The following RNF180 variants were observed in gnomAD, a reference collection of about 807,000 sequenced individuals.
RNF180 encodes the protein ring finger protein 180, also known as E3 ubiquitin-protein ligase RNF180.
In RNF180, 38 loss-of-function variants were observed where a neutral mutation model predicts 59.2. The ratio of observed to expected loss-of-function variants is 0.64; its 90% CI spans 0.50 to 0.84. The LOEUF (loss-of-function observed/expected upper bound fraction) is 0.84. Among genes scored for constraint, RNF180 ranks in the 40% least tolerant of loss-of-function variants. RNF180 has a pLI of 0.00. For synonymous variants in RNF180, 262 were observed against 240.3 expected (o/e 1.09, Z -0.84); for missense variants, 705 against 700.9 (o/e 1.01, Z -0.07).
At chr5:64,215,817 A>G (rs1037604403) in intron 4 of RNF180, among the ~76,000 whole-genome samples, 3 of 152,188 alleles carry the variant, frequency 2.0e-5, no homozygotes, top group Non-Finnish European at 2.9e-5. Flanking sequence ...AAAAAGAAGT[A>G]TGAAAATTAT....
intron 5 of RNF180, among the ~76,000 whole-genome samples, chr5:64,238,273 C>A (rs1409817835): frequency 6.6e-6 from 1 of 152,072 alleles, no homozygotes; most frequent in Non-Finnish European, 1.5e-5. Flanking sequence ...CCACAAGTTG[C>A]CTAGTGTGAA....
intron 5 of RNF180, among the ~76,000 whole-genome samples, chr5:64,233,760 G>A (rs1194632686): frequency 6.6e-6 from 1 of 152,112 alleles, no homozygotes. Flanking sequence ...TCTTTCTTGT[G>A]CGAGGTCCAT....
At chr5:64,227,784 CT>C (rs1471588611) in intron 5 of RNF180, among the ~76,000 whole-genome samples, 1 of 152,158 alleles carries the variant, frequency 6.6e-6, no homozygotes, top group Admixed American at 6.5e-5. Flanking sequence ...GTACACTAAA[CT>C]TTTAAGAAAT....
At chr5:64,324,602 T>C (rs1435074686) in intron 5 of RNF180, among the ~76,000 whole-genome samples, 1 of 152,210 alleles carries the variant, frequency 6.6e-6, no homozygotes. Context: ...GAGAGGCTCA[T>C]CATGTTTCCC....
At chr5:64,334,145 G>A (rs1275693243) in intron 7 of RNF180, among the ~76,000 whole-genome samples, 5 of 152,162 alleles carry the variant, frequency 3.3e-5, no homozygotes, top group African/African-American at 1.2e-4. Flanking sequence ...GAGGTCAGGA[G>A]GATTGGCAAA....
chr5:64,284,593 G>T (rs1742184909), intron 5 of RNF180, among the ~76,000 whole-genome samples: 1 of 152,156 alleles, frequency 6.6e-6, no homozygotes, highest in Non-Finnish European at 1.5e-5. Context: ...ACCAGTCTGA[G>T]ATTCTTTCCT....
chr5:64,246,598 C>T (rs1397462734), intron 5 of RNF180, among the ~76,000 whole-genome samples: 1 of 152,164 alleles, frequency 6.6e-6, no homozygotes, highest in Non-Finnish European at 1.5e-5. Flanking sequence ...ATAACAAGTT[C>T]TGAAATTGAG....
At chr5:64,314,332 G>T (rs12153409) in intron 5 of RNF180, among the ~76,000 whole-genome samples, 3 of 151,546 alleles carry the variant, frequency 2.0e-5, no homozygotes, top group Non-Finnish European at 4.4e-5. Flanking sequence ...TATTTATTTG[G>T]GTCTCAGATA....
intron 5 of RNF180, among the ~76,000 whole-genome samples, chr5:64,255,352 C>T (rs1743872462): frequency 6.6e-6 from 1 of 152,088 alleles, no homozygotes; most frequent in African/African-American, 2.4e-5. Context: ...ATCCCCCTCG[C>T]CCCAGCCCCA....
At chr5:64,343,345 A>G (rs1354571399) in intron 7 of RNF180, among the ~76,000 whole-genome samples, 1 of 152,132 alleles carries the variant, frequency 6.6e-6, no homozygotes, top group Non-Finnish European at 1.5e-5. Context: ...TTAAGAACAT[A>G]TGATATGGCT....
intron 5 of RNF180, among the ~76,000 whole-genome samples, chr5:64,297,244 T>C (rs918439274): frequency 1.3e-5 from 2 of 152,062 alleles, no homozygotes; most frequent in South Asian, 2.1e-4. Context: ...ATGGTTACTT[T>C]TTGTTTTTAA....
In RNF180 at chr5:64,317,711, G is replaced by A. The variant is rs547163452; in HGVS notation, c.1228-7475G>A. 2.6e-5 allele frequency among the ~76,000 whole-genome samples: 4 copies of A among 151,724 alleles called. No individual in the cohort carries two copies. The East Asian group carries it at 7.7e-4, about 29-fold the overall frequency. On this transcript the variant is annotated intron_variant, in intron 5 of 7. Transcript: ENST00000389100. Reference sequence around the variant, plus strand: ...GACCCCCCAGTGGATGCCTGAAGCAGCAGGTAGTACCAAACCCTATATATA... The same window carrying A: ...GACCCCCCAGTGGATGCCTGAAGCAACAGGTAGTACCAAACCCTATATATA...
intron 5 of RNF180, among the ~76,000 whole-genome samples, chr5:64,273,004 A>G (rs1741504404): frequency 6.6e-6 from 1 of 151,972 alleles, no homozygotes; most frequent in Admixed American, 6.6e-5. Context: ...TTATCTGTAT[A>G]CAAATATTGA....
intron 5 of RNF180, among the ~76,000 whole-genome samples, chr5:64,246,772 T>A (rs1743197484): frequency 6.6e-6 from 1 of 152,200 alleles, no homozygotes; most frequent in Non-Finnish European, 1.5e-5. Flanking sequence ...GGGGCCAGCA[T>A]AATCCTGATA....
intron 5 of RNF180, among the ~76,000 whole-genome samples, chr5:64,282,269 A>G (rs1248684948): frequency 6.6e-6 from 1 of 152,068 alleles, no homozygotes; most frequent in African/African-American, 2.4e-5. Context: ...TTCCTAGTTC[A>G]TTCTTGGGAG....
chr5:64,340,961 T>G (rs1215313291), intron 7 of RNF180, among the ~76,000 whole-genome samples: 1 of 152,276 alleles, frequency 6.6e-6, no homozygotes, highest in Non-Finnish European at 1.5e-5. Context: ...TTACCTACTC[T>G]TTCCCTCTGA....
intron 7 of RNF180, among the ~76,000 whole-genome samples, chr5:64,342,084 TAA>T (rs1406726659): frequency 6.6e-6 from 1 of 152,060 alleles, no homozygotes; most frequent in African/African-American, 2.4e-5. Context: ...GGGACAGATA[TAA>T]GTCAAGTATA....
intron 1 of RNF180, among the ~76,000 whole-genome samples, chr5:64,171,749 G>A (rs908588097): frequency 2.0e-5 from 3 of 152,174 alleles, no homozygotes; most frequent in Non-Finnish European, 2.9e-5. Context: ...CCAAGTGGCT[G>A]TCTTGGCCTT....
intron 5 of RNF180, among the ~76,000 whole-genome samples, chr5:64,265,349 TATGGTTTTC>T (rs1744595894): frequency 6.6e-6 from 1 of 152,228 alleles, no homozygotes; most frequent in African/African-American, 2.4e-5. Context: ...CTATGGTTTT[TATGGTTTTC>T]AGTCTTACGT....
Sources: gnomAD v4.1 joint callset for allele counts (sites outside exome capture counted in the v4.1 genomes callset) on GRCh38, gnomAD v4.1.1 for gene constraint, MANE v1.5 for transcripts, NCBI Gene and HGNC (gene_info 2026-07-23, HGNC 2026-07-21) for gene names.